The following GLIS3 variants were observed in gnomAD, a reference collection of about 807,000 sequenced individuals.
GLIS3 encodes zinc finger protein GLIS3.
A neutral mutation model predicts 78.6 loss-of-function variants in GLIS3; 53 were observed. That is an observed-to-expected ratio of 0.67 (90% CI 0.54 to 0.85). The LOEUF is 0.85. Ranked by LOEUF, GLIS3 falls within the 40% of genes least tolerant of loss-of-function variation. The pLI, the probability that GLIS3 is intolerant of heterozygous loss-of-function variation, is 0.00. For synonymous variants in GLIS3, 684 were observed against 509.9 expected, an observed-to-expected ratio of 1.34 and a Z score of -4.60; for missense variants, 1,703 against 1,231.1, an observed-to-expected ratio of 1.38 and a Z score of -5.74.
chr9:4,099,680 ACTCT>A (rs760917327), intron 4 of GLIS3, among the ~76,000 whole-genome samples: 2 of 151,820 alleles, frequency 1.3e-5, no homozygotes, highest in African/African-American at 2.4e-5. Context: ...ATGCGGTTTG[ACTCT>A]CTCTAAGTCC....
Position 4,342,168 on chromosome 9 carries a change from G to C in GLIS3, n.264+4913C>G, listed in dbSNP as rs562961387. 2.6e-5 allele frequency among the ~76,000 whole-genome samples: 4 copies of C among 152,214 alleles called. No homozygotes were observed. The South Asian group carries it at 8.3e-4, about 32-fold the overall frequency. ...TTTTGTCATGAAATCTTTTGTCAAG[G>C]CCTATGTCCAGAATGGCATTTCCTA... On this transcript the variant is annotated intron_variant and non_coding_transcript_variant, in intron 2 of 4. Coordinates refer to the GLIS3 transcript ENST00000471664.
At position 4,016,184 on chromosome 9, in the gene GLIS3, G is replaced by A. The variant is rs673847; in HGVS notation, c.1711-78995C>T. Among the ~76,000 whole-genome samples the A allele has an allele frequency of 5.2e-3, 786 of 152,224 alleles. 10 individuals carry two copies. The highest frequency in any genetic ancestry group is 0.018 in the African/African-American group (765 of 41,512). Reference sequence around the variant, plus strand: ...AGTAAACTGAGTGAGTGAATGACTGGCTAATCCCAAACACCCCTCACCCAG... The same window carrying A: ...AGTAAACTGAGTGAGTGAATGACTGACTAATCCCAAACACCCCTCACCCAG... On this transcript the variant is annotated intron_variant, in intron 4 of 10. Coordinates refer to ENST00000381971, the MANE Select transcript of GLIS3 (RefSeq NM_001042413.2).
chr9:4,005,026 C>A (rs1170444049), intron 4 of GLIS3, among the ~76,000 whole-genome samples: 1 of 152,178 alleles, frequency 6.6e-6, no homozygotes, highest in African/African-American at 2.4e-5. Flanking sequence ...GCCCCTGAAT[C>A]CTGATGCCCC....
chr9:4,169,221 G>C (rs889416741), intron 2 of GLIS3, among the ~76,000 whole-genome samples: 2 of 152,180 alleles, frequency 1.3e-5, no homozygotes, highest in African/African-American at 4.8e-5. Context: ...CACAAGGAAA[G>C]CATGAGGAAA....
chr9:3,962,510 AC>A (rs1488502475), intron 4 of GLIS3, among the ~76,000 whole-genome samples: 12 of 152,226 alleles, frequency 7.9e-5, no homozygotes, highest in African/African-American at 2.9e-4. Context: ...CTGTAAGTGT[AC>A]ATCTGGCAAA....
chr9:4,361,650 T>C, the GLIS3 span, among the ~76,000 whole-genome samples: 1 of 152,252 alleles, frequency 6.6e-6, no homozygotes. Context: ...TCCACATTTC[T>C]ACCCTAGCCA....
At chr9:4,025,229 G>C (rs1823231047) in intron 4 of GLIS3, among the ~76,000 whole-genome samples, 1 of 151,432 alleles carries the variant, frequency 6.6e-6, no homozygotes, top group African/African-American at 2.4e-5. Flanking sequence ...TCCAACCTAG[G>C]CAACAGTGAG....
intron 2 of GLIS3, among the ~76,000 whole-genome samples, chr9:4,224,682 TCTC>T (rs1232352504): frequency 6.6e-6 from 1 of 151,612 alleles, no homozygotes; most frequent in African/African-American, 2.4e-5. Flanking sequence ...CACTTTCCCT[TCTC>T]CTATTCCCCC....
At chr9:4,380,888 G>C in the GLIS3 span, among the ~76,000 whole-genome samples, 1 of 152,128 alleles carries the variant, frequency 6.6e-6, no homozygotes, top group African/African-American at 2.4e-5. Context: ...ATGTCTCTAA[G>C]GTGGATCCAC....
intron 2 of GLIS3, among the ~76,000 whole-genome samples, chr9:4,141,487 A>C (rs1833811298): frequency 6.6e-6 from 1 of 152,166 alleles, no homozygotes; most frequent in African/African-American, 2.4e-5. Flanking sequence ...GAACACAGAA[A>C]AGCTCCTGGA....
In GLIS3 at chr9:4,030,123, T is replaced by C. The variant is rs1432122383; in HGVS notation, c.1710+87645A>G. Among the ~76,000 whole-genome samples, 3 of 152,214 alleles carry C rather than the reference T, an allele frequency of 2.0e-5. No homozygotes were observed. The East Asian group carries it at 5.8e-4, about 29-fold the overall frequency. On this transcript the variant is annotated intron_variant, in intron 4 of 10. Coordinates refer to ENST00000381971, the MANE Select transcript of GLIS3 (RefSeq NM_001042413.2). ...ACTAGAATTTGTTATTGCCTGTCTTTTGGATATAAGCCATTTTAACTATGG... is the reference window on the plus strand; with the variant it reads ...ACTAGAATTTGTTATTGCCTGTCTTCTGGATATAAGCCATTTTAACTATGG...
the GLIS3 span, among the ~76,000 whole-genome samples, chr9:4,464,227 G>A: frequency 6.6e-6 from 1 of 151,942 alleles, no homozygotes. Flanking sequence ...GCAGGCCTGG[G>A]GGTCAGAGTC....
At chr9:3,866,600 C>T (rs1588117395) in intron 8 of GLIS3, among the ~76,000 whole-genome samples, 2 of 152,182 alleles carry the variant, frequency 1.3e-5, no homozygotes, top group African/African-American at 4.8e-5. Context: ...TTTCAGGTTT[C>T]AGGAACAGCA....
At chr9:4,372,243 G>C in the GLIS3 span, among the ~76,000 whole-genome samples, 1 of 152,146 alleles carries the variant, frequency 6.6e-6, no homozygotes, top group Non-Finnish European at 1.5e-5. Context: ...GTGCTCAGAT[G>C]GGCTTGGTTT....
At chr9:4,152,332 G>C (rs1048311363) in intron 2 of GLIS3, 1 of 152,778 alleles carries the variant, frequency 6.5e-6, no homozygotes, top group East Asian at 1.9e-4. Context: ...GGGAATGGAA[G>C]AGAAAAATCC....
intron 2 of GLIS3, among the ~76,000 whole-genome samples, chr9:4,237,972 T>C (rs565939139): frequency 1.3e-5 from 2 of 152,328 alleles, no homozygotes; most frequent in Admixed American, 6.5e-5. Context: ...TATTCTCCCT[T>C]TGAGCAGGGA....
intron 3 of GLIS3, among the ~76,000 whole-genome samples, chr9:4,122,105 C>T (rs997027089): frequency 2.6e-5 from 4 of 152,178 alleles, no homozygotes; most frequent in Non-Finnish European, 5.9e-5. Context: ...AACTCAGAAA[C>T]CATCAGCAAA....
intron 9 of GLIS3, among the ~76,000 whole-genome samples, chr9:3,852,167 A>T (rs1034568973): frequency 2.0e-5 from 3 of 151,932 alleles, no homozygotes; most frequent in African/African-American, 7.3e-5. Flanking sequence ...AAAAAAGAAT[A>T]TGGCTTGGAA....
the GLIS3 span, among the ~76,000 whole-genome samples, chr9:4,406,065 T>C: frequency 6.6e-6 from 1 of 152,130 alleles, no homozygotes; most frequent in Non-Finnish European, 1.5e-5. Context: ...GGAACATACC[T>C]CAACATAATA....
Sources: gnomAD v4.1 joint callset for allele counts (sites outside exome capture counted in the v4.1 genomes callset) on GRCh38, gnomAD v4.1.1 for gene constraint, MANE v1.5 for transcripts, NCBI Gene and HGNC (gene_info 2026-07-23, HGNC 2026-07-21) for gene names.